HRH2: variants seen among roughly 807,000 people sequenced by gnomAD.
HRH2 encodes the protein histamine receptor H2.
Under a neutral mutation model 20.1 loss-of-function variants are expected in HRH2, and 4 were observed. The observed-to-expected ratio is 0.20, with a 90% CI of 0.10 to 0.45. The LOEUF (loss-of-function observed/expected upper bound fraction) is 0.45, where lower values mean the gene tolerates loss of function less well. Ranked by LOEUF, HRH2 falls within the 20% of genes least tolerant of loss-of-function variation. HRH2 has a pLI of 0.99. For synonymous variants in HRH2, 197 were observed against 200.7 expected (o/e 0.98, Z 0.16); for missense variants, 250 against 461.6 (o/e 0.54, Z 4.20).
At chr5:175,659,105 G>A (rs150204476) in intron 1 of HRH2, among the ~76,000 whole-genome samples, 61 of 152,190 alleles carry the variant, frequency 4.0e-4, no homozygotes, top group Non-Finnish European at 7.5e-4. Flanking sequence ...GGTGGTGGCC[G>A]GGCTGGGCAT....
intron 1 of HRH2, among the ~76,000 whole-genome samples, chr5:175,673,873 T>G (rs1165366565): frequency 6.6e-6 from 1 of 151,920 alleles, no homozygotes; most frequent in Non-Finnish European, 1.5e-5. Context: ...CCCTGCTAAT[T>G]TTTATATTTT....
In HRH2 at chr5:175,677,228, A is replaced by G. The variant is rs1010123386; in HGVS notation, c.-525-5481A>G. ...CAGGCTGGTCTCAAATTCCTGGCCA[A>G]TTCTCCCACCTCAGCCTCCCAAAAT... On this transcript the variant is annotated intron_variant, in intron 1 of 2. Coordinates refer to ENST00000636584, the MANE Select transcript of HRH2 (RefSeq NM_001367711.1). This position sits in a 1 kb window ranked among gnomAD's most constrained non-coding sequence, Gnocchi z 4.2. Among the ~76,000 whole-genome samples, 6 of 152,152 alleles carry G rather than the reference A, an allele frequency of 3.9e-5. No homozygotes were observed. The highest frequency in any genetic ancestry group is 1.4e-4 in the African/African-American group (6 of 41,446).
intron 2 of HRH2, among the ~76,000 whole-genome samples, chr5:175,702,276 A>C (rs1756810282): frequency 6.6e-6 from 1 of 152,208 alleles, no homozygotes; most frequent in South Asian, 2.1e-4. Flanking sequence ...ATTTAGAAAA[A>C]AATGGGACAA....
intron 2 of HRH2, among the ~76,000 whole-genome samples, chr5:175,705,901 C>G (rs1030543420): frequency 1.3e-5 from 2 of 152,116 alleles, no homozygotes; most frequent in African/African-American, 4.8e-5. Context: ...CCAGTCTGGT[C>G]TCAAACTCCT....
At chr5:175,682,087 T>G (rs561249873) in intron 1 of HRH2, among the ~76,000 whole-genome samples, 1 of 152,290 alleles carries the variant, frequency 6.6e-6, no homozygotes, top group East Asian at 1.9e-4. Flanking sequence ...TTTGTTGGAG[T>G]GCAGCCACGC....
Position 175,683,004 on chromosome 5 carries a change from AT to A in HRH2, c.-228del. The stretch of plus-strand genomic sequence containing the variant: ...TTTTCTCTCTTCTTCATTCATATTC[AT>A]TCCCAACACCTTAGAAGGTGTTGCT... On this transcript the variant is annotated 5_prime_UTR_variant, in exon 2 of 3. An upstream open reading frame in the 5' UTR gains an earlier in-frame stop. Transcript: ENST00000636584. The A allele has an allele frequency of 1.9e-6, 1 of 521,768 alleles. No homozygotes were observed. The highest frequency in any genetic ancestry group is 3.3e-6 in the Non-Finnish European group (1 of 301,870). 32.3% of individuals were successfully genotyped at this position (521,768 alleles called of 1,614,324 possible).
chr5:175,688,545 G>A (rs986473413), intron 2 of HRH2, among the ~76,000 whole-genome samples: 11 of 152,244 alleles, frequency 7.2e-5, no homozygotes, highest in East Asian at 1.9e-4. Context: ...TACAGCAGGC[G>A]TTGTCACGGC....
chr5:175,701,920 C>T (rs920545059), intron 2 of HRH2, among the ~76,000 whole-genome samples: 17 of 152,198 alleles, frequency 1.1e-4, no homozygotes, highest in African/African-American at 1.2e-4. Context: ...AGGGCAAAGA[C>T]GGGCCGTGGG....
rs2113519954 is a variant in HRH2 at position 175,683,414 on chromosome 5, G to T, written c.181G>T (p.Ala61Ser). ...GACCAATTGTTTCATCGTGTCCTTG[G>T]CTATCACTGACCTGCTCCTCGGCCT... ...NLTNCFIVSL[A>S]ITDLLLGLLV... Residue 61 changes from alanine (A) to serine (S), a missense_variant, in exon 2 of 3, where the codon GCT becomes TCT. This residue lies in a region of HRH2 where 86 missense variants were observed against 176.4 expected (regional missense o/e 0.49). Coordinates refer to ENST00000636584, the MANE Select transcript of HRH2 (RefSeq NM_001367711.1). 6.2e-7 allele frequency: 1 copy of T among 1,614,220 alleles called. No homozygotes were observed. Among genetic ancestry groups the T allele is most frequent in the African/African-American group, 1.3e-5 (1 of 75,062 alleles).
chr5:175,704,459 A>T (rs1396032515), intron 2 of HRH2, among the ~76,000 whole-genome samples: 2 of 152,196 alleles, frequency 1.3e-5, no homozygotes, highest in Non-Finnish European at 2.9e-5. Flanking sequence ...GATTTGAAAC[A>T]CAAAACAAAA....
chr5:175,693,718 G>A lies in HRH2; in HGVS notation c.1076+9409G>A, dbSNP rs1247696090. ...TCCTATTCCCTGAAGTCACAGCTCT[G>A]TGCTCCCTTCCCATCTTGGTCCGGG... On this transcript the variant is annotated intron_variant, in intron 2 of 2. Coordinates refer to ENST00000636584, the MANE Select transcript of HRH2 (RefSeq NM_001367711.1). The surrounding 1 kb of genome is among the most constrained non-coding windows in gnomAD (Gnocchi z 4.4). Among the ~76,000 whole-genome samples the A allele has an allele frequency of 1.3e-5, 2 of 152,200 alleles. No homozygotes were observed. Among genetic ancestry groups the A allele is most frequent in the Non-Finnish European group, 2.9e-5 (2 of 68,038 alleles).
rs570340659 is a variant in HRH2 at position 175,707,902 on chromosome 5, A to T, written c.1200A>T (p.Pro400=). 274 of 399,200 alleles carry T rather than the reference A, an allele frequency of 6.9e-4. No individual in the cohort carries two copies. Among genetic ancestry groups the T allele is most frequent in the Non-Finnish European group, 1.0e-3 (230 of 226,190 alleles). The allele number at this position is 399,200 out of a possible 1,614,324, so 24.7% of individuals were successfully genotyped here. A position where few individuals can be genotyped will look rare whatever the true frequency, so the allele number is the denominator to read the frequency against. Residue 400 remains proline, a synonymous_variant, in exon 3 of 3, where the codon CCA becomes CCT. Coordinates refer to ENST00000636584, the MANE Select transcript of HRH2 (RefSeq NM_001367711.1). Reference sequence around the variant, plus strand: ...CCTCGGAGGAGCTATCGGGGGAGCCACTGTCTGAGGAGCCACAGAAGAGAC... The same window carrying T: ...CCTCGGAGGAGCTATCGGGGGAGCCTCTGTCTGAGGAGCCACAGAAGAGAC... ...GGPSEELSGE[P]LSEEPQKRPP...
chr5:175,701,243 G>A (rs1303269800), intron 2 of HRH2, among the ~76,000 whole-genome samples: 1 of 152,124 alleles, frequency 6.6e-6, no homozygotes, highest in Non-Finnish European at 1.5e-5. Flanking sequence ...TTATAACACG[G>A]TCCATGTAAA....
At chr5:175,706,537 G>T (rs540217630) in intron 2 of HRH2, among the ~76,000 whole-genome samples, 25 of 152,286 alleles carry the variant, frequency 1.6e-4, no homozygotes, top group African/African-American at 5.5e-4. Context: ...TGCAATGAGA[G>T]TTGCCTTCTC....
chr5:175,702,004 C>T (rs893273806), intron 2 of HRH2, among the ~76,000 whole-genome samples: 1 of 152,126 alleles, frequency 6.6e-6, no homozygotes, highest in African/African-American at 2.4e-5. Context: ...AAAGTAATTG[C>T]GGTTTTTGCC....
intron 2 of HRH2, among the ~76,000 whole-genome samples, chr5:175,696,394 C>A (rs1233210869): frequency 6.6e-6 from 1 of 152,178 alleles, no homozygotes; most frequent in Non-Finnish European, 1.5e-5. Flanking sequence ...GGCAGGGAGC[C>A]CCCCACTTTG....
At chr5:175,678,476 G>GC (rs967858511) in intron 1 of HRH2, among the ~76,000 whole-genome samples, 1 of 152,178 alleles carries the variant, frequency 6.6e-6, no homozygotes, top group African/African-American at 2.4e-5. Context: ...GAAGTCACGT[G>GC]CCCAAGGTCA....
chr5:175,658,226 C>A (rs997248283), intron 1 of HRH2, 71 bp downstream of exon 1: 1 of 151,882 alleles, frequency 6.6e-6, no homozygotes, highest in Non-Finnish European at 1.5e-5. Flanking sequence ...GGGGACCCGG[C>A]GTGGGCTGGC....
At chr5:175,658,868 A>T (rs944707582) in intron 1 of HRH2, among the ~76,000 whole-genome samples, 1 of 152,160 alleles carries the variant, frequency 6.6e-6, no homozygotes, top group Non-Finnish European at 1.5e-5. Flanking sequence ...TGAGAGCCTC[A>T]GTTTCCTCCT....
Sources: allele counts gnomAD v4.1 joint callset (sites outside exome capture counted in the v4.1 genomes callset), GRCh38; gene constraint gnomAD v4.1.1; regional missense constraint gnomAD v4.1.1; non-coding constraint Gnocchi (gnomAD v3.1); transcripts MANE v1.5; gene names NCBI Gene and HGNC (gene_info 2026-07-23, HGNC 2026-07-21).